Variants in TPD52L1 observed in about 807,000 individuals in gnomAD.
TPD52L1 encodes the protein TPD52 like 1.
In TPD52L1, 18 loss-of-function variants were observed where a neutral mutation model predicts 28.7. That is an observed-to-expected ratio of 0.63 (90% CI 0.43 to 0.93). The LOEUF (loss-of-function observed/expected upper bound fraction) is 0.93, where lower values mean the gene tolerates loss of function less well. TPD52L1 is among the 40% of genes least tolerant of loss of function. TPD52L1 has a pLI of 0.00. For missense variants in TPD52L1, 203 were observed against 254.8 expected, an observed-to-expected ratio of 0.80 and a Z score of 1.39; for synonymous variants, 75 against 88.8, an observed-to-expected ratio of 0.84 and a Z score of 0.88.
intron 1 of TPD52L1, among the ~76,000 whole-genome samples, chr6:125,199,348 CAT>C (rs1345910320): frequency 3.3e-5 from 5 of 152,130 alleles, no homozygotes; most frequent in African/African-American, 4.8e-5. Flanking sequence ...GAAAAAGTCA[CAT>C]GTTAAATTCT....
chr6:125,247,446 T>C (rs1796987608), intron 3 of TPD52L1, among the ~76,000 whole-genome samples: 1 of 152,196 alleles, frequency 6.6e-6, no homozygotes, highest in African/African-American at 2.4e-5. Flanking sequence ...ACCTTTGGTC[T>C]TGCTCTTATT....
At chr6:125,240,661 G>A (rs1386063320) in intron 3 of TPD52L1, among the ~76,000 whole-genome samples, 1 of 151,774 alleles carries the variant, frequency 6.6e-6, no homozygotes, top group Non-Finnish European at 1.5e-5. Context: ...CTACTGATTT[G>A]TGTACATTGA....
At chr6:125,158,227 A>G (rs954031101) in intron 1 of TPD52L1, among the ~76,000 whole-genome samples, 2 of 152,224 alleles carry the variant, frequency 1.3e-5, no homozygotes, top group African/African-American at 2.4e-5. Flanking sequence ...TTTAGGGGCC[A>G]TCATTCAGTT....
intron 5 of TPD52L1, among the ~76,000 whole-genome samples, chr6:125,256,220 G>C (rs561795416): frequency 1.3e-5 from 2 of 152,148 alleles, no homozygotes; most frequent in Admixed American, 1.3e-4. Context: ...TGTGGTGGTG[G>C]GCACCTGCAG....
At chr6:125,175,034 TCCTATCATTATCTATCA>T (rs1343899523) in intron 1 of TPD52L1, among the ~76,000 whole-genome samples, 1 of 152,180 alleles carries the variant, frequency 6.6e-6, no homozygotes, top group East Asian at 1.9e-4. Flanking sequence ...TGTGTGTGTA[TCCTATCATTATCTATCA>T]CCTTTACTCT....
intron 2 of TPD52L1, among the ~76,000 whole-genome samples, chr6:125,224,300 T>G (rs1257719259): frequency 6.6e-6 from 1 of 152,232 alleles, no homozygotes; most frequent in East Asian, 1.9e-4. Context: ...TTAATAGGAA[T>G]AGGAAAAATA....
intron 1 of TPD52L1, among the ~76,000 whole-genome samples, chr6:125,214,118 G>A (rs1215985898): frequency 2.6e-5 from 4 of 152,178 alleles, no homozygotes; most frequent in Non-Finnish European, 4.4e-5. Context: ...AGCCTGGCAG[G>A]GAGGGAGACA....
chr6:125,228,929 A>C (rs1582973197), intron 2 of TPD52L1, 189 bp from the exon 3 acceptor site: 3 of 428,558 alleles, frequency 7.0e-6, no homozygotes, highest in African/African-American at 2.1e-5. Flanking sequence ...TATAATCATT[A>C]AAATGAAAAA....
At chr6:125,172,561 A>ATATATATATAATATATATATATAATATAT (rs1562215221) in intron 1 of TPD52L1, among the ~76,000 whole-genome samples, 1 of 90,494 alleles carries the variant, frequency 1.1e-5, no homozygotes, top group African/African-American at 4.9e-5. Flanking sequence ...TAATATATAT[A>ATATATATATAATATATATATATAATATAT]CTATATGGCA....
intron 2 of TPD52L1, among the ~76,000 whole-genome samples, chr6:125,222,992 CT>C (rs1165214004): frequency 1.3e-5 from 2 of 151,472 alleles, no homozygotes; most frequent in African/African-American, 4.9e-5. Context: ...TGTTTTCTGC[CT>C]GTGTAAATAA....
intron 1 of TPD52L1, among the ~76,000 whole-genome samples, chr6:125,203,037 A>G (rs1242459111): frequency 6.6e-6 from 1 of 152,100 alleles, no homozygotes; most frequent in African/African-American, 2.4e-5. Context: ...GTGGAGGTTT[A>G]TCTTGTCAGG....
At chr6:125,217,028 GT>G (rs1794936604) in intron 1 of TPD52L1, among the ~76,000 whole-genome samples, 1 of 151,908 alleles carries the variant, frequency 6.6e-6, no homozygotes, top group Admixed American at 6.6e-5. Context: ...ATTTTCATTT[GT>G]TTATTAAATA....
intron 1 of TPD52L1, among the ~76,000 whole-genome samples, chr6:125,155,563 TAAG>T (rs1790063603): frequency 6.6e-6 from 1 of 152,252 alleles, no homozygotes; most frequent in Non-Finnish European, 1.5e-5. Flanking sequence ...AGCACTGTGC[TAAG>T]AAGAGCAAAG....
intron 3 of TPD52L1, among the ~76,000 whole-genome samples, chr6:125,233,143 G>A (rs1438424353): frequency 2.0e-5 from 3 of 152,076 alleles, no homozygotes; most frequent in Non-Finnish European, 4.4e-5. Flanking sequence ...CCTCTGAATC[G>A]TGCCACAATC....
At chr6:125,173,274 A>G (rs559033387) in intron 1 of TPD52L1, among the ~76,000 whole-genome samples, 2 of 152,310 alleles carry the variant, frequency 1.3e-5, no homozygotes, top group East Asian at 1.9e-4. Flanking sequence ...TTCTGGCTCA[A>G]TCATTTAAGC....
intron 1 of TPD52L1, among the ~76,000 whole-genome samples, chr6:125,172,132 CTTTCTTTCTTTCTTTCTTTCTTTCT>C (rs1217465868): frequency 1.2e-3 from 70 of 60,452 alleles, no homozygotes; most frequent in African/African-American, 6.6e-3. Flanking sequence ...TTCTTTCTTT[CTTTCTTTCTTTCTTTCTTTCTTTCT>C]TTTCTTTCTT....
chr6:125,248,212 G>A (rs1251250788), intron 3 of TPD52L1, 70 bp from the exon 4 acceptor site: 4 of 1,244,976 alleles, frequency 3.2e-6, no homozygotes, highest in East Asian at 2.4e-5. Flanking sequence ...AAAGTAAGGA[G>A]TGAGAAGGAA....
chr6:125,157,961 C>T (rs1046293712), intron 1 of TPD52L1, among the ~76,000 whole-genome samples: 2 of 152,056 alleles, frequency 1.3e-5, no homozygotes, highest in Non-Finnish European at 2.9e-5. Context: ...AGAAAGAAAT[C>T]GTCTTTCCCT....
intron 1 of TPD52L1, among the ~76,000 whole-genome samples, chr6:125,163,091 C>A (rs917948888): frequency 6.6e-6 from 1 of 152,146 alleles, no homozygotes. Context: ...GACATGGTGT[C>A]ATCTTTTCAG....
Sources: allele counts gnomAD v4.1 joint callset (sites outside exome capture counted in the v4.1 genomes callset), GRCh38; gene constraint gnomAD v4.1.1; transcripts MANE v1.5; gene names NCBI Gene and HGNC (gene_info 2026-07-23, HGNC 2026-07-21).